The following AFF2 variants were observed in gnomAD, a reference collection of about 807,000 sequenced individuals.
The protein encoded by AFF2 is AF4/FMR2 family member 2.
AFF2 carries 14 observed loss-of-function variants against 76.9 expected under a neutral mutation model. That is an observed-to-expected ratio of 0.18 (90% CI 0.12 to 0.28). The LOEUF is 0.28. Ranked by LOEUF, AFF2 falls within the 10% of genes least tolerant of loss-of-function variation. The pLI is 1.00. For synonymous variants in AFF2, 398 were observed against 366.7 expected (o/e 1.09, Z -0.98); for missense variants, 868 against 1,001.1 (o/e 0.87, Z 1.79).
At chrX:148,934,354 C>T (rs782071122) in intron 9 of AFF2, among the ~76,000 whole-genome samples, 12 of 111,737 alleles carry the variant, frequency 1.1e-4, no homozygotes, top group African/African-American at 3.9e-4. Flanking sequence ...TTTGTTTGGC[C>T]TCCATTCCGC....
intron 3 of AFF2, among the ~76,000 whole-genome samples, chrX:148,762,508 G>GTGTGTGTGTA (rs782356186): frequency 5.7e-4 from 61 of 106,432 alleles, no homozygotes; most frequent in African/African-American, 2.0e-3. Context: ...GTGTGTGTGT[G>GTGTGTGTGTA]TATATAACAT....
Position 148,758,046 on chromosome X carries a change from A to G in AFF2, c.1042-51830A>G, listed in dbSNP as rs1486405178. On this transcript the variant is annotated intron_variant, in intron 3 of 20. Transcript: ENST00000370460. ...TCCATTTTCCATTTGGCCTGCTGTT[A>G]TTAAAAAGTACATATTTGCATTATT... Among the ~76,000 whole-genome samples the G allele has an allele frequency of 2.7e-5, 3 of 112,430 alleles. No homozygotes were observed. In the East Asian group the frequency reaches 8.4e-4, roughly 31 times the overall value.
intron 3 of AFF2, among the ~76,000 whole-genome samples, chrX:148,792,022 G>T (rs2124623852): frequency 9.1e-6 from 1 of 110,283 alleles, no homozygotes; most frequent in East Asian, 2.8e-4. Context: ...ATTCCTATTT[G>T]ATAATATAGT....
At chrX:148,845,593 G>A (rs140783627) in intron 7 of AFF2, among the ~76,000 whole-genome samples, 137 of 112,529 alleles carry the variant, frequency 1.2e-3, no homozygotes, top group African/African-American at 4.0e-3. Context: ...GGACAGATCA[G>A]AATTGTAATA....
At chrX:148,537,728 A>G (rs2052801581) in intron 1 of AFF2, among the ~76,000 whole-genome samples, 1 of 110,228 alleles carries the variant, frequency 9.1e-6, no homozygotes, top group Admixed American at 9.6e-5. Flanking sequence ...TGCTTAGCTC[A>G]GGGCTTCCCA....
chrX:148,843,538 A>G (rs1557274473), intron 7 of AFF2, 105 bp downstream of exon 7: 2 of 677,434 alleles, frequency 3.0e-6, no homozygotes, highest in East Asian at 3.4e-5. Flanking sequence ...CCTTGAAACT[A>G]TGAACCTTGA....
intron 1 of AFF2, among the ~76,000 whole-genome samples, chrX:148,546,343 G>C (rs1456773264): frequency 9.0e-6 from 1 of 111,659 alleles, no homozygotes; most frequent in African/African-American, 3.3e-5. Context: ...GATAGGCTAA[G>C]GGCATAAACT....
intron 9 of AFF2, among the ~76,000 whole-genome samples, chrX:148,951,493 C>T (rs1362681344): frequency 9.0e-6 from 1 of 111,506 alleles, no homozygotes; most frequent in African/African-American, 3.3e-5. Context: ...TACTAGGAAA[C>T]AGCCTTTTCT....
At chrX:148,975,440 A>G (rs2124406429) in intron 16 of AFF2, among the ~76,000 whole-genome samples, 1 of 112,119 alleles carries the variant, frequency 8.9e-6, no homozygotes, top group South Asian at 3.8e-4. Context: ...CGCACAAAAT[A>G]TATTTATTAT....
chrX:148,504,664 G>C (rs782785736), intron 1 of AFF2, among the ~76,000 whole-genome samples: 42 of 113,286 alleles, frequency 3.7e-4, no homozygotes, highest in Non-Finnish European at 6.9e-4. Context: ...GGTAAAGGCA[G>C]CCCCCAGGGC....
At chrX:148,526,366 GTTTTTTT>G (rs34179499) in intron 1 of AFF2, among the ~76,000 whole-genome samples, 3 of 62,732 alleles carry the variant, frequency 4.8e-5, no homozygotes, top group East Asian at 5.2e-4. Context: ...ATACAATCTT[GTTTTTTT>G]TTTTTTTTTT....
intron 15 of AFF2, 91 bp downstream of exon 15, chrX:148,967,783 G>C: frequency 1.2e-6 from 1 of 831,425 alleles, no homozygotes; most frequent in East Asian, 3.2e-5. Flanking sequence ...CAAATTTTCA[G>C]TATCACAGCC....
intron 8 of AFF2, among the ~76,000 whole-genome samples, chrX:148,894,112 G>T (rs1557280066): frequency 1.8e-5 from 2 of 111,865 alleles, no homozygotes; most frequent in Non-Finnish European, 3.8e-5. Context: ...CAAGCCTTGA[G>T]TTTAATCAGG....
intron 3 of AFF2, among the ~76,000 whole-genome samples, chrX:148,805,010 C>T (rs782754385): frequency 3.1e-4 from 35 of 111,766 alleles, no homozygotes; most frequent in South Asian, 1.1e-3. Context: ...AAATTACCAA[C>T]GATGGGAATT....
At chrX:148,874,281 T>C (rs189552002) in intron 7 of AFF2, among the ~76,000 whole-genome samples, 2 of 112,181 alleles carry the variant, frequency 1.8e-5, no homozygotes, top group Non-Finnish European at 3.8e-5. Context: ...AATACATTGA[T>C]ATAAGAACCA....
rs1260954061 is a variant in AFF2, at chrX:148,641,143, C to T, written c.48-10856C>T. ...TTTTTTTTTTCTTTTTTTCTGAGCA[C>T]TAAACATGGTACCTGGCATGACATA... On this transcript the variant is annotated intron_variant, in intron 1 of 20. Transcript: ENST00000370460. Among the ~76,000 whole-genome samples the T allele has an allele frequency of 4.5e-5, 5 of 110,418 alleles. No homozygotes were observed. The East Asian group carries it at 1.4e-3, about 31-fold the overall frequency.
intron 3 of AFF2, among the ~76,000 whole-genome samples, chrX:148,745,604 C>T (rs1305344173): frequency 1.8e-5 from 2 of 111,604 alleles, no homozygotes; most frequent in African/African-American, 3.3e-5. Flanking sequence ...CCAGGTTTTC[C>T]GTGCCTATGC....
chrX:148,551,022 T>A (rs1213858036), intron 1 of AFF2, among the ~76,000 whole-genome samples: 1 of 108,550 alleles, frequency 9.2e-6, no homozygotes, highest in Non-Finnish European at 1.9e-5. Flanking sequence ...ACCAAAAATG[T>A]CTTTGGACAT....
chrX:148,513,437 C>A (rs2052503394), intron 1 of AFF2, among the ~76,000 whole-genome samples: 1 of 111,829 alleles, frequency 8.9e-6, no homozygotes, highest in Non-Finnish European at 1.9e-5. Flanking sequence ...CTTTTAGTAG[C>A]TTCATTGCCT....
Sources: allele counts gnomAD v4.1 joint callset (sites outside exome capture counted in the v4.1 genomes callset), GRCh38; gene constraint gnomAD v4.1.1; transcripts MANE v1.5; gene names NCBI Gene and HGNC (gene_info 2026-07-23, HGNC 2026-07-21).